DYM: variants seen among roughly 807,000 people sequenced by gnomAD.
DYM encodes dymeclin.
In DYM, 78 loss-of-function variants were observed where a neutral mutation model predicts 93.1. That is an observed-to-expected ratio of 0.84 (90% CI 0.70 to 1.01). The LOEUF is 1.01. Among genes scored for constraint, DYM ranks in the 50% least tolerant of loss-of-function variants. DYM has a pLI of 0.00. For missense variants in DYM, 789 were observed against 845.0 expected (o/e 0.93, Z 0.82); for synonymous variants, 321 against 319.7 (o/e 1.00, Z -0.04).
intron 15 of DYM, among the ~76,000 whole-genome samples, chr18:49,133,712 G>GTAC (rs2083575808): frequency 6.6e-6 from 1 of 152,184 alleles, no homozygotes; most frequent in South Asian, 2.1e-4. Flanking sequence ...TCTCCATCTG[G>GTAC]TACATCTCTC....
At chr18:49,432,467 T>C (rs1416129543) in intron 1 of DYM, among the ~76,000 whole-genome samples, 2 of 151,338 alleles carry the variant, frequency 1.3e-5, no homozygotes, top group African/African-American at 4.9e-5. Flanking sequence ...GCTAAATGGA[T>C]ACATCTCAAA....
chr18:49,217,446 T>C (rs906696330), intron 13 of DYM, among the ~76,000 whole-genome samples: 8 of 151,858 alleles, frequency 5.3e-5, no homozygotes, highest in African/African-American at 1.7e-4. Flanking sequence ...CCAAGACACA[T>C]AATTGTCAGA....
At chr18:49,217,589 G>A (rs866384572) in intron 13 of DYM, among the ~76,000 whole-genome samples, 2 of 152,156 alleles carry the variant, frequency 1.3e-5, no homozygotes, top group Non-Finnish European at 2.9e-5. Context: ...AAGAGAGTGG[G>A]GGACAATAGT....
chr18:49,236,392 A>G (rs921738370), intron 13 of DYM, among the ~76,000 whole-genome samples: 4 of 152,040 alleles, frequency 2.6e-5, no homozygotes, highest in Non-Finnish European at 5.9e-5. Context: ...AGGCAGGAGA[A>G]CGGTGTGAAC....
At chr18:49,360,809 G>C (rs2065954646) in intron 6 of DYM, among the ~76,000 whole-genome samples, 2 of 152,138 alleles carry the variant, frequency 1.3e-5, no homozygotes, top group Non-Finnish European at 2.9e-5. Context: ...TTTTTCTCAT[G>C]TAAGAGGAAA....
At chr18:49,144,309 GT>G (rs147443427) in intron 15 of DYM, among the ~76,000 whole-genome samples, 14 of 147,020 alleles carry the variant, frequency 9.5e-5, no homozygotes, top group Non-Finnish European at 7.5e-5. Context: ...TAGTTTTTGG[GT>G]TTTTTTTTTG....
At chr18:49,065,445 C>T (rs1207169882) in intron 17 of DYM, among the ~76,000 whole-genome samples, 1 of 152,196 alleles carries the variant, frequency 6.6e-6, no homozygotes, top group African/African-American at 2.4e-5. Context: ...TCACCGCAAC[C>T]TCCGCCTCCT....
chr18:49,114,476 T>C, intron 16 of DYM: 1 of 867,560 alleles, frequency 1.2e-6, no homozygotes, highest in African/African-American at 1.8e-5. Context: ...ATCCTGCTTT[T>C]ACTTCTATAT....
intron 2 of DYM, among the ~76,000 whole-genome samples, chr18:49,414,841 A>T (rs1016992060): frequency 1.3e-5 from 2 of 152,148 alleles, no homozygotes; most frequent in East Asian, 3.8e-4. Flanking sequence ...TTATTTGTTC[A>T]CTTGTTTATC....
chr18:49,395,930 G>A (rs969123470), intron 2 of DYM, among the ~76,000 whole-genome samples: 2 of 152,194 alleles, frequency 1.3e-5, no homozygotes, highest in Non-Finnish European at 2.9e-5. Context: ...CATGGGGGCA[G>A]ATCCCTTATG....
chr18:49,047,867 G>T (rs1403044335), intron 17 of DYM, among the ~76,000 whole-genome samples: 1 of 152,134 alleles, frequency 6.6e-6, no homozygotes, highest in Non-Finnish European at 1.5e-5. Flanking sequence ...ACCGACCCGC[G>T]CTCCCCATAC....
At chr18:49,251,057 C>G (rs1191357571) in intron 13 of DYM, among the ~76,000 whole-genome samples, 2 of 152,220 alleles carry the variant, frequency 1.3e-5, no homozygotes, top group Non-Finnish European at 2.9e-5. Context: ...GTAGCAACCT[C>G]TTTCCCACTT....
intron 15 of DYM, among the ~76,000 whole-genome samples, chr18:49,133,499 AG>A (rs2083561046): frequency 6.6e-6 from 1 of 152,240 alleles, no homozygotes; most frequent in South Asian, 2.1e-4. Flanking sequence ...TCAGCTGAGC[AG>A]GGTTCTTTTC....
At chr18:49,108,247 C>T (rs562883316) in intron 16 of DYM, among the ~76,000 whole-genome samples, 22 of 152,238 alleles carry the variant, frequency 1.4e-4, no homozygotes, top group Admixed American at 6.5e-4. Context: ...TTGCTAAGAC[C>T]GTTGGAAAAG....
Position 49,289,711 on chromosome 18 carries a change from A to T in DYM, c.764-3095T>A, listed in dbSNP as rs939768862. On this transcript the variant is annotated intron_variant, in intron 8 of 17. Coordinates refer to ENST00000675505, the MANE Select transcript of DYM (RefSeq NM_001353214.3). ...AGGCAACAGAATAAGCCCCTATCTC[A>T]AATATATATATATGTGTATATATAT... Among the ~76,000 whole-genome samples, 99 of 121,910 alleles carry T rather than the reference A, an allele frequency of 8.1e-4. 1 individual carries two copies. The highest frequency in any genetic ancestry group is 4.2e-3 in the Middle Eastern group (1 of 238). 80.0% of individuals were successfully genotyped at this position (121,910 alleles called of 152,430 possible).
chr18:49,344,057 G>A (rs1323744487), intron 6 of DYM, among the ~76,000 whole-genome samples: 1 of 151,822 alleles, frequency 6.6e-6, no homozygotes, highest in Non-Finnish European at 1.5e-5. Flanking sequence ...CTTACTCAAA[G>A]TAGCCCATGC....
At chr18:49,075,827 T>C (rs1019883529) in intron 17 of DYM, among the ~76,000 whole-genome samples, 12 of 152,252 alleles carry the variant, frequency 7.9e-5, no homozygotes, top group Non-Finnish European at 1.3e-4. Context: ...TATGAAGTGC[T>C]CTTTGCAGTT....
intron 2 of DYM, among the ~76,000 whole-genome samples, chr18:49,426,755 A>ATGTG (rs59381977): frequency 1.4e-5 from 2 of 147,694 alleles, no homozygotes; most frequent in African/African-American, 2.5e-5. Context: ...ACTGGAAAAC[A>ATGTG]TGTGTGTGTG....
At chr18:49,354,802 T>C (rs554379511) in intron 6 of DYM, among the ~76,000 whole-genome samples, 1 of 152,170 alleles carries the variant, frequency 6.6e-6, no homozygotes, top group South Asian at 2.1e-4. Flanking sequence ...TGTGGAGCAA[T>C]AGGAACTCTC....
Sources: gnomAD v4.1 joint callset for allele counts (sites outside exome capture counted in the v4.1 genomes callset) on GRCh38, gnomAD v4.1.1 for gene constraint, MANE v1.5 for transcripts, NCBI Gene and HGNC (gene_info 2026-07-23, HGNC 2026-07-21) for gene names.